The following CNTN5 variants were observed in gnomAD, a reference collection of about 807,000 sequenced individuals.
CNTN5 encodes contactin 5, also known as contactin-5.
In CNTN5, 77 loss-of-function variants were observed where a neutral mutation model predicts 129.1. The observed-to-expected ratio is 0.60, with a 90% confidence interval of 0.50 to 0.72. CNTN5 has a LOEUF of 0.72. CNTN5 is among the 30% of genes least tolerant of loss of function. The pLI, the probability that CNTN5 is intolerant of heterozygous loss-of-function variation, is 0.00. For missense variants in CNTN5, 1,478 were observed against 1,328.8 expected (o/e 1.11, Z -1.75); for synonymous variants, 509 against 465.6 (o/e 1.09, Z -1.20).
intron 7 of CNTN5, among the ~76,000 whole-genome samples, chr11:99,916,727 A>G (rs552337922): frequency 2.6e-5 from 4 of 152,102 alleles, no homozygotes; most frequent in African/African-American, 7.2e-5. Context: ...CAGATTAATT[A>G]TACGTCCTTT....
chr11:99,980,400 A>T (rs1414657981), intron 8 of CNTN5, among the ~76,000 whole-genome samples: 1 of 152,210 alleles, frequency 6.6e-6, no homozygotes, highest in Non-Finnish European at 1.5e-5. Flanking sequence ...TTGTACCTCA[A>T]GCAAATAGAT....
chr11:99,650,661 C>T (rs535893879), intron 3 of CNTN5, among the ~76,000 whole-genome samples: 1 of 152,010 alleles, frequency 6.6e-6, no homozygotes, highest in Non-Finnish European at 1.5e-5. Flanking sequence ...CTCTCTTTAG[C>T]TGAATTTTGG....
At chr11:100,207,340 A>C (rs989072142) in intron 15 of CNTN5, among the ~76,000 whole-genome samples, 1 of 152,188 alleles carries the variant, frequency 6.6e-6, no homozygotes, top group African/African-American at 2.4e-5. Context: ...GCATAAGCTA[A>C]GGTAATAATC....
intron 2 of CNTN5, among the ~76,000 whole-genome samples, chr11:99,424,787 C>T (rs1244038604): frequency 6.6e-6 from 1 of 152,214 alleles, no homozygotes; most frequent in Admixed American, 6.5e-5. Flanking sequence ...TGTTTCAGCC[C>T]TGTTTGTGTT....
intron 4 of CNTN5, among the ~76,000 whole-genome samples, chr11:99,826,834 G>C (rs987785865): frequency 2.6e-5 from 4 of 152,124 alleles, no homozygotes; most frequent in Non-Finnish European, 5.9e-5. Flanking sequence ...TTGCCTGTGA[G>C]ACCTCTGAGC....
rs1461866104 is a variant in CNTN5 at position 99,643,030 on chromosome 11, T to C, written c.55+86761T>C. Among the ~76,000 whole-genome samples the C allele has an allele frequency of 2.6e-5, 4 of 152,350 alleles. No individual in the cohort carries two copies. The South Asian group carries it at 6.2e-4, about 24-fold the overall frequency. ...TTAGGTCTATTCTGTATCAACCTATTGGCTATTGTGAATAGTACAGCAATA... is the reference window on the plus strand; with the variant it reads ...TTAGGTCTATTCTGTATCAACCTATCGGCTATTGTGAATAGTACAGCAATA... On this transcript the variant is annotated intron_variant, in intron 3 of 24. Transcript: ENST00000524871.
At chr11:100,113,453 A>C (rs12785703) in intron 13 of CNTN5, among the ~76,000 whole-genome samples, 5 of 71,530 alleles carry the variant, frequency 7.0e-5, no homozygotes, top group African/African-American at 1.1e-4. Flanking sequence ...AAAAAAAAAA[A>C]CAAGAAAGAA....
intron 6 of CNTN5, among the ~76,000 whole-genome samples, chr11:99,875,257 AAAT>A (rs1198050345): frequency 5.3e-5 from 8 of 152,126 alleles, no homozygotes; most frequent in Non-Finnish European, 1.0e-4. Context: ...AATCTCAGAA[AAAT>A]AATACTTCGA....
chr11:99,875,101 A>C (rs932852311), intron 6 of CNTN5, among the ~76,000 whole-genome samples: 6 of 152,142 alleles, frequency 3.9e-5, no homozygotes, highest in Admixed American at 2.0e-4. Flanking sequence ...ATATAACCCA[A>C]ATTGAGGATT....
intron 4 of CNTN5, among the ~76,000 whole-genome samples, chr11:99,837,619 C>G (rs963296471): frequency 8.0e-5 from 12 of 150,458 alleles, no homozygotes; most frequent in Non-Finnish European, 2.9e-5. Context: ...AAGAAAGTGT[C>G]CCAGTGTTCC....
intron 20 of CNTN5, among the ~76,000 whole-genome samples, chr11:100,302,438 A>G (rs544330913): frequency 6.6e-5 from 10 of 151,598 alleles, no homozygotes; most frequent in African/African-American, 2.4e-4. Context: ...CATTAACCCA[A>G]TCCACTTGTT....
At chr11:99,028,209 C>T (rs1039709062) in intron 1 of CNTN5, among the ~76,000 whole-genome samples, 1 of 151,752 alleles carries the variant, frequency 6.6e-6, no homozygotes, top group African/African-American at 2.4e-5. Context: ...AAATATATGA[C>T]TGTGTTTGTT....
At chr11:100,317,348 T>C (rs1951591154) in intron 21 of CNTN5, among the ~76,000 whole-genome samples, 2 of 152,146 alleles carry the variant, frequency 1.3e-5, no homozygotes, top group African/African-American at 4.8e-5. Context: ...AAAAAGAAGC[T>C]AAAATGAAGC....
At chr11:99,402,326 A>G (rs1565552662) in intron 2 of CNTN5, among the ~76,000 whole-genome samples, 1 of 152,154 alleles carries the variant, frequency 6.6e-6, no homozygotes. Flanking sequence ...AATTAAAATG[A>G]TCATATGGTT....
chr11:99,473,000 C>T (rs1006721890), intron 2 of CNTN5, among the ~76,000 whole-genome samples: 29 of 152,084 alleles, frequency 1.9e-4, no homozygotes, highest in South Asian at 2.1e-4. Flanking sequence ...ATGTCTGACA[C>T]CTACTATAAA....
At chr11:99,160,556 C>T (rs534141414) in intron 1 of CNTN5, among the ~76,000 whole-genome samples, 3 of 152,130 alleles carry the variant, frequency 2.0e-5, no homozygotes, top group East Asian at 1.9e-4. Flanking sequence ...TTTGCTGTAC[C>T]GAACTACTAA....
chr11:99,125,867 A>G (rs1440940574), intron 1 of CNTN5, among the ~76,000 whole-genome samples: 1 of 152,198 alleles, frequency 6.6e-6, no homozygotes, highest in African/African-American at 2.4e-5. Context: ...CCAAGGTACA[A>G]TGAAAATGGT....
chr11:99,740,622 T>C (rs1197807431), intron 3 of CNTN5, among the ~76,000 whole-genome samples: 1 of 152,126 alleles, frequency 6.6e-6, no homozygotes, highest in Non-Finnish European at 1.5e-5. Context: ...ACTTGGTAAG[T>C]AGACACAGGC....
At chr11:99,379,748 C>T (rs983320677) in intron 2 of CNTN5, among the ~76,000 whole-genome samples, 9 of 152,020 alleles carry the variant, frequency 5.9e-5, no homozygotes, top group Non-Finnish European at 1.2e-4. Flanking sequence ...TCCAGTGGGG[C>T]AGAGATCCTA....
Sources: allele counts gnomAD v4.1 joint callset (sites outside exome capture counted in the v4.1 genomes callset), GRCh38; gene constraint gnomAD v4.1.1; transcripts MANE v1.5; gene names NCBI Gene and HGNC (gene_info 2026-07-23, HGNC 2026-07-21).